CTNNA3: variants seen among roughly 807,000 people sequenced by gnomAD.
CTNNA3 encodes catenin alpha 3, also known as catenin alpha-3.
A neutral mutation model predicts 95.7 loss-of-function variants in CTNNA3; 76 were observed. That is an observed-to-expected ratio of 0.79 (90% CI 0.66 to 0.96). The LOEUF (loss-of-function observed/expected upper bound fraction) is 0.96. Ranked by LOEUF, CTNNA3 falls within the 40% of genes least tolerant of loss-of-function variation. CTNNA3 has a pLI of 0.00. For missense variants in CTNNA3, 1,191 were observed against 1,089.8 expected (o/e 1.09, Z -1.31); for synonymous variants, 431 against 374.4 (o/e 1.15, Z -1.74).
intron 5 of CTNNA3, among the ~76,000 whole-genome samples, chr10:67,232,277 C>T (rs950282912): frequency 6.6e-5 from 10 of 152,114 alleles, no homozygotes; most frequent in Non-Finnish European, 1.0e-4. Context: ...TTGGGTTACC[C>T]TCAAAGGGAA....
intron 7 of CTNNA3, among the ~76,000 whole-genome samples, chr10:67,078,654 T>C (rs571960746): frequency 1.3e-5 from 2 of 152,022 alleles, no homozygotes; most frequent in Admixed American, 6.6e-5. Context: ...GTAGCTGGGA[T>C]TACAGGCACC....
chr10:67,279,464 G>T (rs79871256), intron 5 of CTNNA3, among the ~76,000 whole-genome samples: 3 of 151,670 alleles, frequency 2.0e-5, no homozygotes, highest in Non-Finnish European at 2.9e-5. Flanking sequence ...TATGTAAAGG[G>T]GGAAAGCGGG....
intron 10 of CTNNA3, among the ~76,000 whole-genome samples, chr10:66,523,029 T>C (rs994475876): frequency 1.3e-5 from 2 of 152,168 alleles, no homozygotes; most frequent in African/African-American, 4.8e-5. Flanking sequence ...TTTGTTTCTT[T>C]TCTACAAAAG....
intron 13 of CTNNA3, among the ~76,000 whole-genome samples, chr10:66,272,577 A>G (rs1239032163): frequency 4.6e-5 from 7 of 152,056 alleles, no homozygotes; most frequent in African/African-American, 1.7e-4. Flanking sequence ...AATGCACCAC[A>G]GGGCCTCAAG....
intron 9 of CTNNA3, among the ~76,000 whole-genome samples, chr10:66,675,980 C>T (rs755570142): frequency 2.0e-5 from 3 of 152,046 alleles, no homozygotes; most frequent in Non-Finnish European, 4.4e-5. Context: ...TGCAAGGTCT[C>T]AGAGCTATTG....
intron 7 of CTNNA3, among the ~76,000 whole-genome samples, chr10:66,986,368 A>G (rs1850727771): frequency 6.6e-6 from 1 of 152,042 alleles, no homozygotes; most frequent in Non-Finnish European, 1.5e-5. Context: ...ATGGTGGCAC[A>G]TGCCTATAGT....
intron 7 of CTNNA3, among the ~76,000 whole-genome samples, chr10:66,874,812 G>C (rs1437125593): frequency 1.3e-5 from 2 of 152,084 alleles, no homozygotes; most frequent in East Asian, 3.9e-4. Context: ...TTCTTTACCT[G>C]CTGTGTTTAT....
intron 9 of CTNNA3, among the ~76,000 whole-genome samples, chr10:66,750,929 A>G (rs544268878): frequency 6.6e-6 from 1 of 152,274 alleles, no homozygotes; most frequent in East Asian, 1.9e-4. Context: ...ATACCTAAGT[A>G]TTTCATTTTT....
chr10:66,039,459 C>A (rs1179067906), intron 15 of CTNNA3, among the ~76,000 whole-genome samples: 2 of 152,154 alleles, frequency 1.3e-5, no homozygotes, highest in Non-Finnish European at 2.9e-5. Flanking sequence ...GAGGCATAGA[C>A]TACCCAACTT....
At chr10:67,186,383 C>T (rs561857538) in intron 6 of CTNNA3, among the ~76,000 whole-genome samples, 1 of 152,178 alleles carries the variant, frequency 6.6e-6, no homozygotes, top group South Asian at 2.1e-4. Context: ...CAAACTATCT[C>T]AGCATTTGGA....
chr10:67,597,146 TC>T (rs1269063855), intron 3 of CTNNA3, among the ~76,000 whole-genome samples: 2 of 152,208 alleles, frequency 1.3e-5, no homozygotes, highest in Non-Finnish European at 2.9e-5. Context: ...GGCTATTTTA[TC>T]TTTCAGCTCT....
intron 7 of CTNNA3, among the ~76,000 whole-genome samples, chr10:66,919,724 A>C (rs913273850): frequency 6.6e-6 from 1 of 152,182 alleles, no homozygotes; most frequent in Non-Finnish European, 1.5e-5. Context: ...TAAAGCAAGC[A>C]GATGGAAATC....
intron 5 of CTNNA3, among the ~76,000 whole-genome samples, chr10:67,326,302 T>C (rs2031402689): frequency 6.6e-6 from 1 of 152,220 alleles, no homozygotes; most frequent in African/African-American, 2.4e-5. Context: ...GACTTGTTTA[T>C]GTAGTTGCTT....
chr10:66,470,373 A>G (rs1276540213), intron 11 of CTNNA3, among the ~76,000 whole-genome samples: 2 of 151,868 alleles, frequency 1.3e-5, no homozygotes, highest in Non-Finnish European at 2.9e-5. Context: ...CAAAATATCT[A>G]TAGGATTTGT....
intron 3 of CTNNA3, among the ~76,000 whole-genome samples, chr10:67,601,806 C>T (rs1487619919): frequency 6.6e-6 from 1 of 152,124 alleles, no homozygotes; most frequent in Admixed American, 6.5e-5. Context: ...ATGTGAACCA[C>T]CTCTGCTGAA....
intron 5 of CTNNA3, among the ~76,000 whole-genome samples, chr10:67,396,505 C>T (rs1844711142): frequency 6.6e-6 from 1 of 151,884 alleles, no homozygotes; most frequent in Admixed American, 6.6e-5. Context: ...AGTGTCAAAC[C>T]CCACACAGAT....
At chr10:66,664,641 G>A (rs1020168788) in intron 9 of CTNNA3, among the ~76,000 whole-genome samples, 3 of 151,948 alleles carry the variant, frequency 2.0e-5, no homozygotes, top group South Asian at 4.2e-4. Flanking sequence ...AATCATCTAG[G>A]TATGTTCCGT....
chr10:67,055,417 T>C (rs184638982), intron 7 of CTNNA3, among the ~76,000 whole-genome samples: 2 of 122,086 alleles, frequency 1.6e-5, no homozygotes, highest in Non-Finnish European at 3.5e-5. Context: ...ACAACAGAAC[T>C]TTACACAGTT....
At chr10:66,746,372 A>G (rs2132713138) in intron 9 of CTNNA3, among the ~76,000 whole-genome samples, 1 of 152,344 alleles carries the variant, frequency 6.6e-6, no homozygotes, top group Non-Finnish European at 1.5e-5. Flanking sequence ...ATCTTCTAAC[A>G]GTGTGATGTC....
Sources: allele counts gnomAD v4.1 joint callset (sites outside exome capture counted in the v4.1 genomes callset), GRCh38; gene constraint gnomAD v4.1.1; transcripts MANE v1.5; gene names NCBI Gene and HGNC (gene_info 2026-07-23, HGNC 2026-07-21).